The following ATP2B2 variants were observed in gnomAD, a reference collection of about 807,000 sequenced individuals.
ATP2B2 encodes the protein plasma membrane calcium-transporting ATPase 2.
ATP2B2 carries 15 observed loss-of-function variants against 120.0 expected under a neutral mutation model. The ratio of observed to expected loss-of-function variants is 0.12; its 90% CI spans 0.08 to 0.19. The LOEUF is 0.19. Ranked by LOEUF, ATP2B2 falls within the 10% of genes least tolerant of loss-of-function variation. The pLI, the probability that ATP2B2 is intolerant of heterozygous loss-of-function variation, is 1.00. For missense variants in ATP2B2, 1,045 were observed against 1,719.8 expected (o/e 0.61, Z 6.94); for synonymous variants, 694 against 700.3 (o/e 0.99, Z 0.14).
intron 2 of ATP2B2, among the ~76,000 whole-genome samples, chr3:10,591,338 C>T (rs1469102094): frequency 6.6e-6 from 1 of 152,200 alleles, no homozygotes. Flanking sequence ...CTCCATACAG[C>T]AGGCACCAAC....
intron 12 of ATP2B2, among the ~76,000 whole-genome samples, chr3:10,365,194 C>G (rs755452347): frequency 1.3e-5 from 2 of 152,268 alleles, no homozygotes; most frequent in Non-Finnish European, 2.9e-5. Flanking sequence ...GCCTCTCTCC[C>G]TGGCAGAGAC....
At chr3:10,706,492 T>C (rs1248896146) in intron 1 of ATP2B2, among the ~76,000 whole-genome samples, 1 of 152,166 alleles carries the variant, frequency 6.6e-6, no homozygotes, top group South Asian at 2.1e-4. Flanking sequence ...TCTGAGGGCA[T>C]TGGGATATCT....
chr3:10,403,636 C>A (rs1398871534), intron 3 of ATP2B2, among the ~76,000 whole-genome samples: 1 of 152,206 alleles, frequency 6.6e-6, no homozygotes, highest in East Asian at 1.9e-4. Flanking sequence ...GGAAAGGAAT[C>A]TCCAGCAGCA....
intron 2 of ATP2B2, among the ~76,000 whole-genome samples, chr3:10,574,801 G>C (rs993996493): frequency 6.6e-6 from 1 of 152,144 alleles, no homozygotes; most frequent in Non-Finnish European, 1.5e-5. Flanking sequence ...GTGGGGGAAG[G>C]AGGAGTGGAC....
intron 2 of ATP2B2, among the ~76,000 whole-genome samples, chr3:10,596,339 G>A (rs1461857807): frequency 1.3e-5 from 2 of 152,208 alleles, no homozygotes; most frequent in African/African-American, 4.8e-5. Context: ...GACTCTGTGG[G>A]TATGAACATC....
chr3:10,479,692 A>C (rs2065334580), intron 1 of ATP2B2, among the ~76,000 whole-genome samples: 1 of 152,106 alleles, frequency 6.6e-6, no homozygotes, highest in African/African-American at 2.4e-5. Flanking sequence ...TTTCATCACT[A>C]CTGTATTCCT....
At chr3:10,617,374 C>G (rs934325863) in intron 2 of ATP2B2, among the ~76,000 whole-genome samples, 1 of 151,618 alleles carries the variant, frequency 6.6e-6, no homozygotes, top group African/African-American at 2.4e-5. Flanking sequence ...AAGAAACAAA[C>G]AAAATAAAAC....
intron 1 of ATP2B2, among the ~76,000 whole-genome samples, chr3:10,451,611 G>T (rs2064054012): frequency 6.6e-6 from 1 of 152,198 alleles, no homozygotes; most frequent in Non-Finnish European, 1.5e-5. Flanking sequence ...GCAGTAGGAA[G>T]ATTATTTTTA....
At chr3:10,485,616 C>T (rs1327214519) in intron 1 of ATP2B2, among the ~76,000 whole-genome samples, 7 of 152,208 alleles carry the variant, frequency 4.6e-5, no homozygotes, top group Non-Finnish European at 7.3e-5. Context: ...TGCTCACTGC[C>T]AGATTTTCTC....
intron 1 of ATP2B2, among the ~76,000 whole-genome samples, chr3:10,688,881 G>C (rs773087699): frequency 1.3e-5 from 2 of 152,206 alleles, no homozygotes; most frequent in Non-Finnish European, 2.9e-5. Flanking sequence ...GCCTTCGGTT[G>C]AAAAAGGCAA....
At chr3:10,544,639 C>G (rs1037389410) in intron 2 of ATP2B2, among the ~76,000 whole-genome samples, 1 of 152,028 alleles carries the variant, frequency 6.6e-6, no homozygotes. Flanking sequence ...ATCAGGCTCC[C>G]TTCACAAACG....
At chr3:10,649,833 G>C (rs143714668) in intron 1 of ATP2B2, among the ~76,000 whole-genome samples, 30 of 152,272 alleles carry the variant, frequency 2.0e-4, no homozygotes, top group African/African-American at 7.2e-4. Context: ...AAAAGGGGAG[G>C]TTCCCTGCAC....
chr3:10,646,511 T>C (rs919731387), intron 1 of ATP2B2, among the ~76,000 whole-genome samples: 1 of 152,062 alleles, frequency 6.6e-6, no homozygotes, highest in Non-Finnish European at 1.5e-5. Context: ...TATATGTCTT[T>C]TGCTTGTCAT....
rs1043392470 is a variant in ATP2B2, at chr3:10,358,795, C to T, written c.2032G>A (p.Asp678Asn). 17 of 1,614,108 alleles carry T rather than the reference C, an allele frequency of 1.1e-5. No homozygotes were observed. Among genetic ancestry groups the T allele is most frequent in the Non-Finnish European group, 1.3e-5 (15 of 1,180,062 alleles). The change falls in exon 14 of 23, where the codon GAC becomes AAC. Residue 678 changes from aspartate to asparagine, a missense_variant. Asp to Asn is a conservative substitution (Grantham distance 23). Coordinates refer to ENST00000360273, the MANE Select transcript of ATP2B2 (RefSeq NM_001001331.4). ...GLRTICVAYR[D>N]FPSSPEPDWD... Reference sequence around the variant, plus strand: ...TCCGGCTCCGGGCTGCTGGGGAAGTCGCGGTAGGCCACGCAGATAGTGCGG... The same window carrying T: ...TCCGGCTCCGGGCTGCTGGGGAAGTTGCGGTAGGCCACGCAGATAGTGCGG...
chr3:10,661,221 C>A (rs550472388), intron 1 of ATP2B2, among the ~76,000 whole-genome samples: 1 of 151,978 alleles, frequency 6.6e-6, no homozygotes, highest in African/African-American at 2.4e-5. Flanking sequence ...CACTCCTATT[C>A]AACATAGTGT....
intron 1 of ATP2B2, among the ~76,000 whole-genome samples, chr3:10,660,952 T>C (rs1265494008): frequency 6.6e-6 from 1 of 152,086 alleles, no homozygotes; most frequent in African/African-American, 2.4e-5. Context: ...CATACACAAA[T>C]CAATAAACGT....
At chr3:10,577,067 A>AG (rs2068270186) in intron 2 of ATP2B2, among the ~76,000 whole-genome samples, 2 of 151,538 alleles carry the variant, frequency 1.3e-5, no homozygotes, top group African/African-American at 4.8e-5. Context: ...AAAAAAAAAA[A>AG]AAAAAAGAAG....
chr3:10,328,743 T>A lies in ATP2B2; in HGVS notation c.*71A>T. ...TGCTTGGGTGAGTTGGGTGCCTGGATGGATGGGTGCCCGGAAAGCGGGTGG... is the reference window on the plus strand; with the variant it reads ...TGCTTGGGTGAGTTGGGTGCCTGGAAGGATGGGTGCCCGGAAAGCGGGTGG... On this transcript the variant is annotated 3_prime_UTR_variant, in exon 23 of 23. Transcript: ENST00000360273. The A allele has an allele frequency of 6.7e-7, 1 of 1,493,044 alleles. No homozygotes were observed. The highest frequency in any genetic ancestry group is 9.1e-7 in the Non-Finnish European group (1 of 1,102,748). 92.5% of individuals were successfully genotyped at this position (1,493,044 alleles called of 1,614,324 possible). A position where few individuals can be genotyped will look rare whatever the true frequency, so the allele number is the denominator to read the frequency against.
chr3:10,559,681 T>C (rs2067859774), intron 2 of ATP2B2, among the ~76,000 whole-genome samples: 1 of 152,190 alleles, frequency 6.6e-6, no homozygotes, highest in South Asian at 2.1e-4. Flanking sequence ...CCCAGCTCTC[T>C]GAGAAGCTCT....
Sources: allele counts gnomAD v4.1 joint callset (sites outside exome capture counted in the v4.1 genomes callset), GRCh38; gene constraint gnomAD v4.1.1; transcripts MANE v1.5; gene names NCBI Gene and HGNC (gene_info 2026-07-23, HGNC 2026-07-21).